The following FAM227A variants were observed in gnomAD, a reference collection of about 807,000 sequenced individuals.
FAM227A encodes the protein protein FAM227A.
Under a neutral mutation model 74.7 loss-of-function variants are expected in FAM227A, and 80 were observed. The ratio of observed to expected loss-of-function variants is 1.07; its 90% CI spans 0.89 to 1.29. The LOEUF (loss-of-function observed/expected upper bound fraction) is 1.29. Ranked by LOEUF, FAM227A falls within the 50% of genes most tolerant of loss-of-function variation. The pLI is 0.00. For missense variants in FAM227A, 654 were observed against 683.4 expected, an observed-to-expected ratio of 0.96 and a Z score of 0.48; for synonymous variants, 237 against 241.8, an observed-to-expected ratio of 0.98 and a Z score of 0.19.
intron 3 of FAM227A, among the ~76,000 whole-genome samples, chr22:38,644,950 A>G (rs1016771512): frequency 3.3e-5 from 5 of 152,042 alleles, no homozygotes; most frequent in African/African-American, 1.2e-4. Context: ...TTAGCCGGGT[A>G]TGGTGGCACA....
intron 3 of FAM227A, among the ~76,000 whole-genome samples, chr22:38,641,723 T>G (rs2092118767): frequency 6.6e-6 from 1 of 151,930 alleles, no homozygotes; most frequent in Non-Finnish European, 1.5e-5. Context: ...TCTTTGCTGC[T>G]CTCATTTTCA....
In FAM227A at chr22:38,650,234, C is replaced by T. The variant is rs2092304921; in HGVS notation, c.-66G>A. On this transcript the variant is annotated 5_prime_UTR_variant, in exon 2 of 17. Transcript: ENST00000535113. ...TTTTAAGAGCCTCTCATTTCCCACT[C>T]CAATCTTGTCGTTTGTTTAATCAGC... is the stretch of plus-strand genomic sequence containing the variant. 6.8e-7 allele frequency: 1 copy of T among 1,479,458 alleles called. No individual in the cohort carries two copies. Among genetic ancestry groups the T allele is most frequent in the Non-Finnish European group, 9.2e-7 (1 of 1,088,034 alleles). The allele number at this position is 1,479,458 out of a possible 1,614,324, so 91.6% of individuals were successfully genotyped here.
intron 6 of FAM227A, among the ~76,000 whole-genome samples, chr22:38,631,155 G>T (rs935152272): frequency 6.6e-6 from 1 of 152,114 alleles, no homozygotes; most frequent in Non-Finnish European, 1.5e-5. Context: ...GCGACAGAGC[G>T]AGTGTCTTAC....
chr22:38,618,480 G>A (rs1324576004), intron 11 of FAM227A: 5 of 152,034 alleles, frequency 3.3e-5, no homozygotes, highest in Non-Finnish European at 7.4e-5. Context: ...TCTTTGTTAG[G>A]GTGGTATGTG....
chr22:38,600,321 T>A (rs1474017427), intron 13 of FAM227A, among the ~76,000 whole-genome samples: 1 of 150,808 alleles, frequency 6.6e-6, no homozygotes, highest in Admixed American at 6.6e-5. Flanking sequence ...TGTATGTATA[T>A]ATATATATAT....
chr22:38,630,839 C>T (rs900384917), intron 6 of FAM227A, among the ~76,000 whole-genome samples: 1 of 152,212 alleles, frequency 6.6e-6, no homozygotes, highest in African/African-American at 2.4e-5. Flanking sequence ...GGCATCTCAT[C>T]TGCGCTTCAG....
intron 11 of FAM227A, among the ~76,000 whole-genome samples, chr22:38,610,644 G>A (rs545111314): frequency 9.2e-5 from 14 of 152,220 alleles, no homozygotes; most frequent in Admixed American, 2.0e-4. Context: ...GGGAGGTGGA[G>A]GTTGCAGTGA....
At position 38,582,789 on chromosome 22, in the gene FAM227A, A is replaced by G. The variant is rs888517459; in HGVS notation, c.*3336T>C. 1.1e-5 allele frequency: 17 copies of G among 1,541,548 alleles called. No homozygotes were observed. Among genetic ancestry groups the G allele is most frequent in the African/African-American group, 6.9e-5 (5 of 72,850 alleles). The stretch of plus-strand genomic sequence containing the variant: ...GGTAGACAGGCAATTCCAATCTACT[A>G]TGGTAACTGCTGCCATAATGGGATG... On this transcript the variant is annotated 3_prime_UTR_variant, in exon 17 of 17. Coordinates refer to ENST00000535113, the MANE Select transcript of FAM227A (RefSeq NM_001013647.2).
At chr22:38,605,376 G>C (rs1472113982) in intron 12 of FAM227A, 28 bp from the exon 13 acceptor site, 4 of 1,370,962 alleles carry the variant, frequency 2.9e-6, no homozygotes, top group African/African-American at 2.9e-5. Context: ...GCAAGAAAAT[G>C]ACCATTAGGT....
intron 16 of FAM227A, among the ~76,000 whole-genome samples, chr22:38,590,362 C>G (rs887732091): frequency 7.3e-5 from 11 of 151,132 alleles, no homozygotes; most frequent in African/African-American, 2.7e-4. Context: ...TTGGGAACTG[C>G]TAGAAGATGT....
intron 8 of FAM227A, among the ~76,000 whole-genome samples, chr22:38,627,130 T>C (rs948633647): frequency 1.3e-5 from 2 of 151,294 alleles, no homozygotes; most frequent in Non-Finnish European, 1.5e-5. Context: ...CCCTAAATCA[T>C]GTAAGTATTC....
chr22:38,627,597 T>G (rs890615768), intron 8 of FAM227A, among the ~76,000 whole-genome samples: 1 of 141,154 alleles, frequency 7.1e-6, no homozygotes, highest in African/African-American at 2.9e-5. Context: ...AAAGGGAAAG[T>G]TTTTTTTTTG....
At chr22:38,600,316 GTA>G (rs60675971) in intron 13 of FAM227A, among the ~76,000 whole-genome samples, 3,272 of 147,438 alleles carry the variant, frequency 0.022, 115 homozygotes, top group African/African-American at 0.074. Context: ...GTGTATGTAT[GTA>G]TATATATATA....
Position 38,638,822 on chromosome 22 carries a change from A to ACTG in FAM227A, c.296-3_296-1dup (p.Lys98_Val99insAla), listed in dbSNP as rs766327675. On this transcript the variant is annotated inframe_insertion and splice_region_variant. Transcript: ENST00000535113. ...ATACTGAGATTTCCTTTGTCTCTTG[A>ACTG]CTGCAGAAAAATGGAGAAAGAGATA... The ACTG allele has an allele frequency of 3.3e-5, 50 of 1,531,068 alleles. No individual in the cohort carries two copies. The highest frequency in any genetic ancestry group is 4.2e-5 in the Non-Finnish European group (48 of 1,138,568). The allele number at this position is 1,531,068 out of a possible 1,614,324, so 94.8% of individuals were successfully genotyped here. A position where few individuals can be genotyped will look rare whatever the true frequency, so the allele number is the denominator to read the frequency against.
chr22:38,620,182 A>T, intron 11 of FAM227A, 30 bp downstream of exon 11: 1 of 1,495,616 alleles, frequency 6.7e-7, no homozygotes, highest in Non-Finnish European at 9.1e-7. Context: ...GGGACTCCAA[A>T]GGGGTCCTGG....
chr22:38,629,622 C>T (rs1349970335), intron 6 of FAM227A, among the ~76,000 whole-genome samples: 1 of 152,250 alleles, frequency 6.6e-6, no homozygotes, highest in South Asian at 2.1e-4. Context: ...CCAGGAGGTT[C>T]CAAAGCGAGT....
chr22:38,602,632 A>G (rs1184361673), intron 13 of FAM227A, among the ~76,000 whole-genome samples: 1 of 152,232 alleles, frequency 6.6e-6, no homozygotes, highest in Non-Finnish European at 1.5e-5. Flanking sequence ...ATAAAATGCT[A>G]CTGACGACAG....
In FAM227A at chr22:38,650,090, A is replaced by G; in HGVS notation, c.79T>C (p.Ser27Pro). The G allele has an allele frequency of 1.3e-6, 2 of 1,552,144 alleles. No individual in the cohort carries two copies. The highest frequency in any genetic ancestry group is 1.7e-6 in the Non-Finnish European group (2 of 1,147,086). The change falls in exon 2 of 17, where the codon TCG becomes CCG. Residue 27 changes from serine to proline, a missense_variant. Transcript: ENST00000535113. Reference sequence around the variant, plus strand: ...ACCATTGTATTCCGTGCGACAAGCGAGACAGCCAGGTGCTCATCCACTGGT... The same window carrying G: ...ACCATTGTATTCCGTGCGACAAGCGGGACAGCCAGGTGCTCATCCACTGGT... Reference protein sequence around the residue: ...MIPVDEHLAVSLVARNTMVKT... With the variant: ...MIPVDEHLAVPLVARNTMVKT...
At chr22:38,624,246 A>T (rs921340103) in intron 9 of FAM227A, among the ~76,000 whole-genome samples, 1 of 152,130 alleles carries the variant, frequency 6.6e-6, no homozygotes, top group Admixed American at 6.6e-5. Flanking sequence ...CTCTACTAAA[A>T]ATACAAAAAT....
Sources: gnomAD v4.1 joint callset for allele counts (sites outside exome capture counted in the v4.1 genomes callset) on GRCh38, gnomAD v4.1.1 for gene constraint, MANE v1.5 for transcripts, NCBI Gene and HGNC (gene_info 2026-07-23, HGNC 2026-07-21) for gene names.